The following LOXL3 variants were observed in gnomAD, a reference collection of about 807,000 sequenced individuals.
The protein encoded by LOXL3 is lysyl oxidase like 3.
Under a neutral mutation model 91.8 loss-of-function variants are expected in LOXL3, and 60 were observed. That is an observed-to-expected ratio of 0.65 (90% CI 0.53 to 0.81). The LOEUF (loss-of-function observed/expected upper bound fraction) is 0.81. Among genes scored for constraint, LOXL3 ranks in the 30% least tolerant of loss-of-function variants. LOXL3 has a pLI of 0.00. For synonymous variants in LOXL3, 355 were observed against 387.6 expected (o/e 0.92, Z 0.99); for missense variants, 874 against 1,000.4 (o/e 0.87, Z 1.70).
intron 4 of LOXL3, among the ~76,000 whole-genome samples, chr2:74,544,298 C>T (rs1676487178): frequency 6.6e-6 from 1 of 151,796 alleles, no homozygotes; most frequent in Non-Finnish European, 1.5e-5. Flanking sequence ...CAGACTCCCT[C>T]TCAAAAAAAC....
At chr2:74,544,638 A>G (rs1054244066) in intron 4 of LOXL3, among the ~76,000 whole-genome samples, 3 of 152,226 alleles carry the variant, frequency 2.0e-5, no homozygotes, top group Non-Finnish European at 4.4e-5. Context: ...CTAAAGTTCT[A>G]CAACTTTTAC....
rs144699111 is a variant in LOXL3 at position 74,540,546 on chromosome 2, G to A, written c.693-3618C>T. ...AACTTGGTTTGACTGGGGAACACAG[G>A]CCAGGCTCCTTACAATGACACCACC... On this transcript the variant is annotated intron_variant, in intron 4 of 13. Transcript: ENST00000264094. 3.9e-5 allele frequency among the ~76,000 whole-genome samples: 6 copies of A among 152,280 alleles called. No individual in the cohort carries two copies. In the East Asian group the frequency reaches 9.6e-4, roughly 24 times the overall value.
Position 74,534,328 on chromosome 2 carries a change from CAG to C in LOXL3, c.1925_1926del (p.Thr642ArgfsTer11). 2 of 1,614,272 alleles carry C rather than the reference CAG, an allele frequency of 1.2e-6. No homozygotes were observed. Among genetic ancestry groups the C allele is most frequent in the Non-Finnish European group, 1.7e-6 (2 of 1,180,036 alleles). ...GHKASFCLED[T>X]ECQEDVSKRY... The stretch of plus-strand genomic sequence containing the variant: ...GTCCCCAACTCACCCTCCTGACACT[CAG>C]TGTCTTCGAGACAGAAACTAGCTTT... On this transcript the variant is annotated frameshift_variant, in exon 11 of 14. Transcript: ENST00000264094. LOFTEE classifies it high-confidence loss of function.
At chr2:74,547,216 A>C (rs1029485211) in intron 4 of LOXL3, among the ~76,000 whole-genome samples, 3 of 151,562 alleles carry the variant, frequency 2.0e-5, no homozygotes, top group African/African-American at 7.3e-5. Flanking sequence ...ACAGGGTCTC[A>C]TTATGTTGCC....
chr2:74,542,269 G>A (rs963437675), intron 4 of LOXL3, among the ~76,000 whole-genome samples: 6 of 152,142 alleles, frequency 3.9e-5, no homozygotes, highest in Admixed American at 2.6e-4. Flanking sequence ...CTCTGGCCTG[G>A]TCAACATAGA....
Position 74,535,875 on chromosome 2 carries a change from G to T in LOXL3, c.1249-120C>A. ...AATGGGCTAGCAAGTGATGGGTCAG[G>T]TGGGAGCTGCAGGAGGGCAGGGGCC... is the stretch of plus-strand genomic sequence containing the variant. On this transcript the variant is annotated intron_variant, in intron 7 of 13. Transcript: ENST00000264094. This position sits in a 1 kb window ranked among gnomAD's most constrained non-coding sequence, Gnocchi z 4.2. 6.8e-7 allele frequency: 1 copy of T among 1,477,408 alleles called. No homozygotes were observed. The highest frequency in any genetic ancestry group is 9.0e-7 in the Non-Finnish European group (1 of 1,107,794). The allele number at this position is 1,477,408 out of a possible 1,614,324, so 91.5% of individuals were successfully genotyped here.
rs1486961354 is a variant in LOXL3, at chr2:74,549,029, T to C, written c.692+340A>G. The stretch of plus-strand genomic sequence containing the variant: ...CGTCCTTACTGAACTCGGAAATCGC[T>C]GGCCGGCAGCGCCAGCGCTGGAATC... On this transcript the variant is annotated intron_variant, in intron 4 of 13. Coordinates refer to ENST00000264094, the MANE Select transcript of LOXL3 (RefSeq NM_032603.5). The surrounding 1 kb of genome is among the most constrained non-coding windows in gnomAD (Gnocchi z 5.3). 2 of 175,386 alleles carry C rather than the reference T, an allele frequency of 1.1e-5. No homozygotes were observed. The highest frequency in any genetic ancestry group is 4.7e-5 in the African/African-American group (2 of 42,150). The allele number at this position is 175,386 out of a possible 1,614,324, so 10.9% of individuals were successfully genotyped here. A position where few individuals can be genotyped will look rare whatever the true frequency, so the allele number is the denominator to read the frequency against.
chr2:74,536,194 T>C lies in LOXL3; in HGVS notation c.1094-44A>G, dbSNP rs777745950. 1.2e-6 allele frequency: 2 copies of C among 1,612,082 alleles called. No individual in the cohort carries two copies. The highest frequency in any genetic ancestry group is 1.7e-6 in the Non-Finnish European group (2 of 1,179,942). On this transcript the variant is annotated intron_variant, in intron 6 of 13. Coordinates refer to ENST00000264094, the MANE Select transcript of LOXL3 (RefSeq NM_032603.5). This position sits in a 1 kb window ranked among gnomAD's most constrained non-coding sequence, Gnocchi z 4.5. The stretch of plus-strand genomic sequence containing the variant: ...GATCAGGAAGTTGTAATTAAGCATA[T>C]ATTGTCTGCCCAGGGGACACCTAAC...
chr2:74,554,743 C>T, upstream of LOXL3: 2 of 1,612,982 alleles, frequency 1.2e-6, no homozygotes, highest in Non-Finnish European at 1.7e-6. This position sits in a 1 kb window ranked among gnomAD's most constrained non-coding sequence, Gnocchi z 4.9. Flanking sequence ...GCGGAAGGAA[C>T]CGCCGGGGGC....
intron 9 of LOXL3, 69 bp from the exon 10 acceptor site, chr2:74,534,843 T>TC: frequency 6.5e-7 from 1 of 1,536,356 alleles, no homozygotes; most frequent in East Asian, 2.3e-5. Flanking sequence ...CTTCCATCCC[T>TC]CCCTAGTGTG....
Position 74,534,186 on chromosome 2 carries a change from C to G in LOXL3, c.1990G>C (p.Val664Leu). The change falls in exon 12 of 14, where the codon GTG becomes CTG. Residue 664 changes from valine to leucine, a missense_variant. By Grantham distance (32) the Val-to-Leu change is conservative. Coordinates refer to ENST00000264094, the MANE Select transcript of LOXL3 (RefSeq NM_032603.5). ...TGCCGGTAGAGATCCCAGCAACCCACAGTGATGCCTTGCTCTCCAAAGTTG... is the reference window on the plus strand; with the variant it reads ...TGCCGGTAGAGATCCCAGCAACCCAGAGTGATGCCTTGCTCTCCAAAGTTG... ...CANFGEQGITVGCWDLYRHDI... is the reference protein window; with the variant it reads ...CANFGEQGITLGCWDLYRHDI... The G allele has an allele frequency of 6.2e-7, 1 of 1,614,186 alleles. No homozygotes were observed. The highest frequency in any genetic ancestry group is 8.5e-7 in the Non-Finnish European group (1 of 1,180,028).
chr2:74,547,173 G>C (rs1676644092), intron 4 of LOXL3, among the ~76,000 whole-genome samples: 1 of 151,850 alleles, frequency 6.6e-6, no homozygotes, highest in Non-Finnish European at 1.5e-5. Context: ...ACCATGTTCA[G>C]CTAATTTTAT....
Position 74,536,643 on chromosome 2 carries a change from C to A in LOXL3, c.912+66G>T. 6.4e-7 allele frequency: 1 copy of A among 1,557,278 alleles called. No individual in the cohort carries two copies. Among genetic ancestry groups the A allele is most frequent in the Admixed American group, 1.7e-5 (1 of 59,000 alleles). On this transcript the variant is annotated intron_variant, in intron 5 of 13. Transcript: ENST00000264094. The surrounding 1 kb of genome is among the most constrained non-coding windows in gnomAD (Gnocchi z 4.5). ...CTCAAAGGTCAGGGCTGTGCTTAGT[C>A]TGGGGTTGCCAGGCTAGGGGTTCTC...
At chr2:74,551,532 G>A (rs1356853976) in intron 2 of LOXL3, among the ~76,000 whole-genome samples, 1 of 152,226 alleles carries the variant, frequency 6.6e-6, no homozygotes, top group Non-Finnish European at 1.5e-5. Context: ...GCTATGCAAG[G>A]TTTTTACTTT....
At position 74,532,917 on chromosome 2, in the gene LOXL3, T is replaced by C. The variant is rs1222602868; in HGVS notation, c.*689A>G. ...TGAAGCTGTTCGAACCCAATCCCAG[T>C]TGGCAGTGCAGATCCGGCGGGGACG... On this transcript the variant is annotated 3_prime_UTR_variant, in exon 14 of 14. Coordinates refer to ENST00000264094, the MANE Select transcript of LOXL3 (RefSeq NM_032603.5). The C allele has an allele frequency of 3.7e-6, 6 of 1,614,066 alleles. No homozygotes were observed. The Admixed American group carries it at 5.0e-5, about 13-fold the overall frequency.
At chr2:74,537,622 CAA>C (rs1188484222) in intron 4 of LOXL3, among the ~76,000 whole-genome samples, 7 of 152,220 alleles carry the variant, frequency 4.6e-5, no homozygotes, top group Non-Finnish European at 1.0e-4. Context: ...AACAAAATGG[CAA>C]AGACATCCCA....
In LOXL3 at chr2:74,549,252, C is replaced by T; in HGVS notation, c.692+117G>A. The T allele has an allele frequency of 1.7e-6, 2 of 1,200,796 alleles. No individual in the cohort carries two copies. Among genetic ancestry groups the T allele is most frequent in the African/African-American group, 1.5e-5 (1 of 64,768 alleles). 74.4% of individuals were successfully genotyped at this position (1,200,796 alleles called of 1,614,324 possible). ...TTGCAACGGCCTCCATATTTTCCCG[C>T]GCGTCCCGACCCCCGGGTCCTCCCG... On this transcript the variant is annotated intron_variant, in intron 4 of 13. Transcript: ENST00000264094. This position sits in a 1 kb window ranked among gnomAD's most constrained non-coding sequence, Gnocchi z 5.3.
At position 74,536,135 on chromosome 2, in the gene LOXL3, TG is replaced by T; in HGVS notation, c.1108del (p.His370ThrfsTer2). ...ARMGQGMGAI[H>X]LSEVRCSGQE... ...TCCAGAGCAGCGAACTTCACTCAGG[TG>T]GATAGCACCCATGCCTAGGGCCAGA... is the stretch of plus-strand genomic sequence containing the variant. On this transcript the variant is annotated frameshift_variant, in exon 7 of 14. Transcript: ENST00000264094. LOFTEE classifies it high-confidence loss of function. The surrounding 1 kb of genome is among the most constrained non-coding windows in gnomAD (Gnocchi z 4.5). 1 of 1,613,806 alleles carries T rather than the reference TG, an allele frequency of 6.2e-7. No individual in the cohort carries two copies. The highest frequency in any genetic ancestry group is 1.3e-5 in the African/African-American group (1 of 74,994).
At chr2:74,543,229 A>G (rs989155570) in intron 4 of LOXL3, among the ~76,000 whole-genome samples, 1 of 152,114 alleles carries the variant, frequency 6.6e-6, no homozygotes, top group Admixed American at 6.5e-5. Context: ...TCTTCTCTGC[A>G]GGCTCCTCCC....
Sources: allele counts gnomAD v4.1 joint callset (sites outside exome capture counted in the v4.1 genomes callset), GRCh38; gene constraint gnomAD v4.1.1; non-coding constraint Gnocchi (gnomAD v3.1); transcripts MANE v1.5; gene names NCBI Gene and HGNC (gene_info 2026-07-23, HGNC 2026-07-21).